The following CALN1 variants were observed in gnomAD, a reference collection of about 807,000 sequenced individuals.
CALN1 encodes calcium-binding protein 8.
A neutral mutation model predicts 30.6 loss-of-function variants in CALN1; 17 were observed. That is an observed-to-expected ratio of 0.56 (90% CI 0.38 to 0.83). The LOEUF is 0.83. Ranked by LOEUF, CALN1 falls within the 40% of genes least tolerant of loss-of-function variation. The pLI is 0.00. For synonymous variants in CALN1, 156 were observed against 131.4 expected (o/e 1.19, Z -1.28); for missense variants, 291 against 354.9 (o/e 0.82, Z 1.45).
intron 5 of CALN1, among the ~76,000 whole-genome samples, chr7:71,949,644 T>TGCTGAGCTTACAG (rs1159752231): frequency 3.3e-5 from 5 of 152,020 alleles, no homozygotes; most frequent in Non-Finnish European, 7.4e-5. Context: ...CCTCCCAAAG[T>TGCTGAGCTTACAG]GCTGAGCTTA....
At chr7:72,144,857 G>T (rs1810230953) in intron 3 of CALN1, among the ~76,000 whole-genome samples, 1 of 152,150 alleles carries the variant, frequency 6.6e-6, no homozygotes, top group Non-Finnish European at 1.5e-5. Flanking sequence ...ACAACAACCT[G>T]CTCCTGAATG....
At chr7:71,950,842 CTT>C (rs1796652605) in intron 5 of CALN1, among the ~76,000 whole-genome samples, 1 of 152,190 alleles carries the variant, frequency 6.6e-6, no homozygotes, top group East Asian at 1.9e-4. Flanking sequence ...CTGCTCCCAC[CTT>C]AGGACTTTGT....
chr7:72,222,437 T>A (rs1171095723), intron 3 of CALN1, among the ~76,000 whole-genome samples: 2 of 152,124 alleles, frequency 1.3e-5, no homozygotes, highest in African/African-American at 4.8e-5. Flanking sequence ...TACCACACAC[T>A]TTTAAACTAT....
chr7:71,810,255 T>C, intron 6 of CALN1, 81 bp downstream of exon 6: 1 of 1,459,594 alleles, frequency 6.9e-7, no homozygotes, highest in Non-Finnish European at 9.3e-7. Flanking sequence ...AGAGCCTGTG[T>C]GTGAACGCAT....
intron 3 of CALN1, among the ~76,000 whole-genome samples, chr7:72,271,516 C>T (rs1251693094): frequency 7.2e-6 from 1 of 138,878 alleles, no homozygotes; most frequent in Non-Finnish European, 1.5e-5. Flanking sequence ...CCCTCCTCGG[C>T]CTCATGAGTA....
chr7:72,403,144 C>T, intron 2 of CALN1, 107 bp downstream of exon 2: 1 of 762,766 alleles, frequency 1.3e-6, no homozygotes, highest in East Asian at 2.7e-5. Flanking sequence ...ATTCTCCTCT[C>T]CAGCCTAGAC....
chr7:72,278,665 C>T (rs912110513), intron 3 of CALN1, 21 bp downstream of exon 3: 2 of 1,599,534 alleles, frequency 1.3e-6, no homozygotes, highest in East Asian at 2.3e-5. Flanking sequence ...GCCATCCCCC[C>T]AAACAGGGTA....
In CALN1 at chr7:71,907,239, A is replaced by AACACACACACACACACACAC. The variant is rs71531773; in HGVS notation, c.502-96767_502-96748dup. Among the ~76,000 whole-genome samples the AACACACACACACACACACAC allele has an allele frequency of 2.6e-3, 389 of 147,826 alleles. 3 individuals carry two copies. The highest frequency in any genetic ancestry group is 8.1e-3 in the African/African-American group (325 of 40,126). Reference sequence around the variant, plus strand: ...TACTTTTAAACAGAAATGAGGTTTAAACACACACACACACACACACACACA... The same window carrying AACACACACACACACACACAC: ...TACTTTTAAACAGAAATGAGGTTTAAACACACACACACACACACACACACACACACACACACACACACACA... On this transcript the variant is annotated intron_variant, in intron 5 of 6. Coordinates refer to ENST00000395275, the MANE Select transcript of CALN1 (RefSeq NM_031468.4).
chr7:72,462,072 G>A, the CALN1 span, among the ~76,000 whole-genome samples: 2 of 151,746 alleles, frequency 1.3e-5, no homozygotes, highest in Middle Eastern at 3.2e-3. Context: ...TAGGACTTTA[G>A]GAGTTGTATG....
intron 4 of CALN1, among the ~76,000 whole-genome samples, chr7:72,034,244 C>G (rs1225635976): frequency 6.6e-6 from 1 of 151,034 alleles, no homozygotes; most frequent in Non-Finnish European, 1.5e-5. Flanking sequence ...GTCCCAGCTA[C>G]TGGGGAGGCT....
chr7:72,310,966 A>T, intron 2 of CALN1, among the ~76,000 whole-genome samples: 1 of 151,264 alleles, frequency 6.6e-6, no homozygotes, highest in South Asian at 2.1e-4. Flanking sequence ...TATACGGTGG[A>T]TCCTTAAACA....
At chr7:72,283,497 T>C (rs561760716) in intron 2 of CALN1, among the ~76,000 whole-genome samples, 1 of 150,804 alleles carries the variant, frequency 6.6e-6, no homozygotes, top group Non-Finnish European at 1.5e-5. Context: ...ATCCCACCAC[T>C]GTACTCCAGC....
chr7:71,814,834 C>CTTTTT (rs201392659), intron 5 of CALN1, among the ~76,000 whole-genome samples: 1 of 142,212 alleles, frequency 7.0e-6, no homozygotes, highest in Admixed American at 7.1e-5. Flanking sequence ...AGTTAATCAA[C>CTTTTT]TTTTTTTTTT....
At chr7:72,145,905 T>C (rs1046338550) in intron 3 of CALN1, among the ~76,000 whole-genome samples, 3 of 152,210 alleles carry the variant, frequency 2.0e-5, no homozygotes, top group Non-Finnish European at 4.4e-5. Context: ...GAAAAGGCCT[T>C]TGACAAAATT....
chr7:72,497,595 A>G, the CALN1 span, among the ~76,000 whole-genome samples: 140 of 152,348 alleles, frequency 9.2e-4, 1 homozygote, highest in Admixed American at 5.5e-3. Context: ...ACATCCTAGA[A>G]ACGAGCAAAA....
At chr7:72,219,639 G>A (rs530535030) in intron 3 of CALN1, among the ~76,000 whole-genome samples, 12 of 151,160 alleles carry the variant, frequency 7.9e-5, no homozygotes, top group African/African-American at 1.9e-4. Flanking sequence ...ACACATGCGC[G>A]CACACACACA....
At chr7:72,377,510 AT>A (rs1259230030) in intron 2 of CALN1, among the ~76,000 whole-genome samples, 2 of 150,532 alleles carry the variant, frequency 1.3e-5, no homozygotes, top group East Asian at 2.0e-4. Flanking sequence ...AATGCTGAAC[AT>A]TTTTTTGACT....
intron 5 of CALN1, among the ~76,000 whole-genome samples, chr7:71,892,105 A>G (rs995789418): frequency 1.2e-4 from 18 of 152,202 alleles, no homozygotes; most frequent in Non-Finnish European, 1.9e-4. Flanking sequence ...CTCAATAAAT[A>G]AATGTTTATT....
chr7:72,125,077 G>T (rs536723389), intron 3 of CALN1, among the ~76,000 whole-genome samples: 57 of 152,180 alleles, frequency 3.7e-4, no homozygotes, highest in Non-Finnish European at 6.8e-4. Context: ...CACCTGGGCT[G>T]GCGTGCAATG....
Sources: allele counts gnomAD v4.1 joint callset (sites outside exome capture counted in the v4.1 genomes callset), GRCh38; gene constraint gnomAD v4.1.1; transcripts MANE v1.5; gene names NCBI Gene and HGNC (gene_info 2026-07-23, HGNC 2026-07-21).